Variants in B4GALNT2 observed in about 807,000 individuals in gnomAD.
B4GALNT2 encodes the protein beta-1,4-N-acetyl-galactosaminyltransferase 2 (SID blood group), also known as N-acetylneuraminylgalactosylglucosyl-glucoside beta-1,4-N- acetylgalactosaminyltransferase 2.
B4GALNT2 carries 42 observed loss-of-function variants against 51.1 expected under a neutral mutation model. The ratio of observed to expected loss-of-function variants is 0.82; its 90% CI spans 0.64 to 1.06. B4GALNT2 has a LOEUF of 1.06. B4GALNT2 is among the 50% of genes least tolerant of loss of function. The pLI, the probability that B4GALNT2 is intolerant of heterozygous loss-of-function variation, is 0.00. For missense variants in B4GALNT2, 602 were observed against 633.6 expected (o/e 0.95, Z 0.54); for synonymous variants, 253 against 251.7 (o/e 1.01, Z -0.05).
In B4GALNT2 at chr17:49,152,912, T is replaced by G; in HGVS notation, c.460+6T>G. 1.3e-6 allele frequency: 2 copies of G among 1,596,622 alleles called. No individual in the cohort carries two copies. Among genetic ancestry groups the G allele is most frequent in the South Asian group, 2.2e-5 (2 of 89,224 alleles). Reference sequence around the variant, plus strand: ...GCACACGGTTCCCATCCCAGGTAAGTACATCCACATACCAAGAGACCCCAG... The same window carrying G: ...GCACACGGTTCCCATCCCAGGTAAGGACATCCACATACCAAGAGACCCCAG... On this transcript the variant is annotated splice_donor_region_variant and intron_variant, in intron 4 of 10. Transcript: ENST00000393354.
intron 2 of B4GALNT2, among the ~76,000 whole-genome samples, chr17:49,141,813 GAA>G (rs2042646665): frequency 6.6e-6 from 1 of 152,144 alleles, no homozygotes; most frequent in Non-Finnish European, 1.5e-5. Context: ...TTCAAGAGAG[GAA>G]AAGTCTTCAG....
chr17:49,139,481 C>T (rs1428365242), intron 1 of B4GALNT2, among the ~76,000 whole-genome samples: 3 of 152,140 alleles, frequency 2.0e-5, no homozygotes, highest in Non-Finnish European at 4.4e-5. Context: ...CTGCCTCGGC[C>T]CCCCAAAGTG....
In B4GALNT2 at chr17:49,175,137, G is replaced by A. The variant is rs1381826654; in HGVS notation, c.*5409G>A. The A allele has an allele frequency of 6.6e-6, 1 of 152,130 alleles. No homozygotes were observed. The highest frequency in any genetic ancestry group is 1.5e-5 in the Non-Finnish European group (1 of 68,024). 9.4% of individuals were successfully genotyped at this position (152,130 alleles called of 1,614,324 possible). A position where few individuals can be genotyped will look rare whatever the true frequency, so the allele number is the denominator to read the frequency against. On this transcript the variant is annotated 3_prime_UTR_variant, in exon 11 of 11. Coordinates refer to ENST00000393354, the MANE Select transcript of B4GALNT2 (RefSeq NM_001159387.2). Reference sequence around the variant, plus strand: ...AAATTGAGTGGGTTGAATTTGCCACGTGGACAGCCAGTGCTGTAGAGAAAT... The same window carrying A: ...AAATTGAGTGGGTTGAATTTGCCACATGGACAGCCAGTGCTGTAGAGAAAT...
intron 8 of B4GALNT2, 44 bp downstream of exon 8, chr17:49,164,319 G>A: frequency 6.4e-7 from 1 of 1,555,814 alleles, no homozygotes; most frequent in South Asian, 1.1e-5. Context: ...TCCAGGACAA[G>A]AGGGCCCCAG....
chr17:49,156,910 G>A (rs1343992259), intron 5 of B4GALNT2, among the ~76,000 whole-genome samples: 1 of 152,184 alleles, frequency 6.6e-6, no homozygotes, highest in African/African-American at 2.4e-5. Flanking sequence ...TCAGGGTTAG[G>A]GCTGGCAGGA....
At chr17:49,132,747 G>C, upstream of B4GALNT2, 1 of 1,389,808 alleles carries the variant, frequency 7.2e-7, no homozygotes, top group South Asian at 1.7e-5. Context: ...CGGCCTGGCT[G>C]CTAGGCTCCG....
intron 3 of B4GALNT2, among the ~76,000 whole-genome samples, chr17:49,145,671 G>T (rs751017643): frequency 6.6e-6 from 1 of 152,084 alleles, no homozygotes; most frequent in Non-Finnish European, 1.5e-5. Context: ...TGCCTGGATT[G>T]GGCTATTGTA....
chr17:49,135,865 C>T (rs111720689), intron 1 of B4GALNT2, among the ~76,000 whole-genome samples: 1 of 151,472 alleles, frequency 6.6e-6, no homozygotes. Context: ...AGATCTAGAC[C>T]ATCCTGGCTA....
intron 4 of B4GALNT2, among the ~76,000 whole-genome samples, chr17:49,153,184 G>C (rs551076950): frequency 6.6e-6 from 1 of 152,274 alleles, no homozygotes; most frequent in South Asian, 2.1e-4. Flanking sequence ...GGAGGCTGAG[G>C]TGGGTGGACT....
intron 4 of B4GALNT2, among the ~76,000 whole-genome samples, chr17:49,153,396 CAA>C (rs2042778045): frequency 6.6e-6 from 1 of 151,926 alleles, no homozygotes; most frequent in South Asian, 2.1e-4. Flanking sequence ...GCCTGGGTGA[CAA>C]AGTGAGATCC....
chr17:49,138,794 T>A (rs2042613659), intron 1 of B4GALNT2, among the ~76,000 whole-genome samples: 1 of 152,122 alleles, frequency 6.6e-6, no homozygotes, highest in Admixed American at 6.5e-5. Flanking sequence ...GGAGAATCAT[T>A]TGAACCCAGG....
intron 1 of B4GALNT2, among the ~76,000 whole-genome samples, chr17:49,140,161 C>A (rs936490931): frequency 6.6e-6 from 1 of 151,254 alleles, no homozygotes; most frequent in Non-Finnish European, 1.5e-5. Flanking sequence ...AGTGCAGTGG[C>A]GTGATCTCAG....
At chr17:49,153,662 A>G (rs547056940) in intron 4 of B4GALNT2, among the ~76,000 whole-genome samples, 3 of 151,590 alleles carry the variant, frequency 2.0e-5, no homozygotes, top group African/African-American at 7.3e-5. Context: ...ATCTGCCACC[A>G]TGCCTGGCTA....
upstream of B4GALNT2, among the ~76,000 whole-genome samples, chr17:49,129,498 C>T (rs1567851031): frequency 6.6e-6 from 1 of 152,214 alleles, no homozygotes; most frequent in Non-Finnish European, 1.5e-5. Flanking sequence ...CTATCCCCAA[C>T]ACCCATCCTG....
Position 49,138,706 on chromosome 17 carries a change from G to A in B4GALNT2, c.15-2541G>A, listed in dbSNP as rs143264084. On this transcript the variant is annotated intron_variant, in intron 1 of 10. Transcript: ENST00000393354. The stretch of plus-strand genomic sequence containing the variant: ...AGCCTGGCCAACATGGTGAAACCCC[G>A]TCTCCACTAAAAATACAAAGAATAG... Among the ~76,000 whole-genome samples the A allele has an allele frequency of 8.5e-3, 1,288 of 152,156 alleles. 23 individuals carry two copies. Among genetic ancestry groups the A allele is most frequent in the African/African-American group, 0.029 (1,209 of 41,510 alleles).
rs1347725334 is a variant in B4GALNT2, at chr17:49,170,680, A to G, written c.*952A>G. On this transcript the variant is annotated 3_prime_UTR_variant, in exon 11 of 11. Transcript: ENST00000393354. ...AGCTTGGTCATGGAGACCCTAACCC[A>G]GTGGTGCTAGAGGAATTAAAGACAC... 1 of 152,262 alleles carries G rather than the reference A, an allele frequency of 6.6e-6. No individual in the cohort carries two copies. Among genetic ancestry groups the G allele is most frequent in the African/African-American group, 2.4e-5 (1 of 41,460 alleles). The allele number at this position is 152,262 out of a possible 1,614,324, so 9.4% of individuals were successfully genotyped here. A position where few individuals can be genotyped will look rare whatever the true frequency, so the allele number is the denominator to read the frequency against.
intron 3 of B4GALNT2, among the ~76,000 whole-genome samples, chr17:49,146,636 T>C (rs997238818): frequency 2.0e-5 from 3 of 152,172 alleles, no homozygotes; most frequent in African/African-American, 7.2e-5. Flanking sequence ...TTAATTTCCA[T>C]TGCTGACTAC....
chr17:49,137,925 A>G (rs1028302179), intron 1 of B4GALNT2, among the ~76,000 whole-genome samples: 11 of 152,350 alleles, frequency 7.2e-5, no homozygotes, highest in African/African-American at 2.6e-4. Flanking sequence ...TTAAAATCCA[A>G]CAAAAATCAG....
rs756608127 is a variant in B4GALNT2 at position 49,134,199 on chromosome 17, T to C, written c.14+1393T>C. ...TTTCCTCCACCTGTGGAATCATGCA[T>C]AAAAGGTCTGCAGTTTCTTTTTAAT... is the stretch of plus-strand genomic sequence containing the variant. On this transcript the variant is annotated intron_variant, in intron 1 of 10. Coordinates refer to ENST00000393354, the MANE Select transcript of B4GALNT2 (RefSeq NM_001159387.2). Among the ~76,000 whole-genome samples the C allele has an allele frequency of 1.4e-3, 212 of 152,334 alleles. 1 individual carries two copies. The highest frequency in any genetic ancestry group is 2.3e-3 in the Non-Finnish European group (155 of 68,022).
Sources: gnomAD v4.1 joint callset for allele counts (sites outside exome capture counted in the v4.1 genomes callset) on GRCh38, gnomAD v4.1.1 for gene constraint, MANE v1.5 for transcripts, NCBI Gene and HGNC (gene_info 2026-07-23, HGNC 2026-07-21) for gene names.